CALCR: variants seen among roughly 807,000 people sequenced by gnomAD.
The protein encoded by CALCR is calcitonin receptor.
CALCR carries 47 observed loss-of-function variants against 59.5 expected under a neutral mutation model. The observed-to-expected ratio is 0.79, with a 90% CI of 0.63 to 1.01. The LOEUF (loss-of-function observed/expected upper bound fraction) is 1.01, where lower values mean the gene tolerates loss of function less well. Ranked by LOEUF, CALCR falls within the 50% of genes least tolerant of loss-of-function variation. The probability of loss-of-function intolerance (pLI) is 0.00; values close to 1 mark genes in which losing one functional copy is unlikely to be tolerated. For synonymous variants in CALCR, 213 were observed against 211.3 expected (o/e 1.01, Z -0.07); for missense variants, 566 against 597.1 (o/e 0.95, Z 0.54).
chr7:93,473,378 G>A (rs1426344593), intron 5 of CALCR, among the ~76,000 whole-genome samples: 7 of 151,724 alleles, frequency 4.6e-5, no homozygotes, highest in Non-Finnish European at 1.0e-4. Context: ...TCAAATCCGA[G>A]TCTACTTGAT....
At chr7:93,467,035 T>C (rs1269328656) in intron 7 of CALCR, among the ~76,000 whole-genome samples, 5 of 127,942 alleles carry the variant, frequency 3.9e-5, no homozygotes, top group African/African-American at 1.0e-4. Context: ...ATTTGGGGAA[T>C]TTTTCTTTCA....
chr7:93,459,352 A>T (rs1800271603), intron 8 of CALCR, among the ~76,000 whole-genome samples: 1 of 152,198 alleles, frequency 6.6e-6, no homozygotes, highest in East Asian at 1.9e-4. Context: ...CAGTTATATG[A>T]TTTGAGGCAA....
chr7:93,539,981 TC>T (rs1330015143), intron 2 of CALCR, among the ~76,000 whole-genome samples: 1 of 152,126 alleles, frequency 6.6e-6, no homozygotes, highest in Admixed American at 6.6e-5. Flanking sequence ...AGAAAGTACT[TC>T]CTGGTTTCCC....
chr7:93,498,051 C>G (rs976225227), intron 2 of CALCR, among the ~76,000 whole-genome samples: 1 of 151,596 alleles, frequency 6.6e-6, no homozygotes, highest in Admixed American at 6.6e-5. Context: ...ACGTTTTTGT[C>G]AGAATTTCTA....
Position 93,462,062 on chromosome 7 carries a change from C to T in CALCR, c.522-1115G>A, listed in dbSNP as rs773206721. 62 of 1,486,178 alleles carry T rather than the reference C, an allele frequency of 4.2e-5. 1 individual carries two copies. The East Asian group carries it at 1.4e-3, about 34-fold the overall frequency. The allele number at this position is 1,486,178 out of a possible 1,614,324, so 92.1% of individuals were successfully genotyped here. On this transcript the variant is annotated intron_variant, in intron 7 of 13. Transcript: ENST00000426151. ...TACAAAAATAGCCTGGGTTTACTTA[C>T]AATGCCTTCCTATATTTCCAATTCA... is the stretch of plus-strand genomic sequence containing the variant.
intron 2 of CALCR, among the ~76,000 whole-genome samples, chr7:93,524,833 C>A (rs1444415495): frequency 6.6e-6 from 1 of 152,090 alleles, no homozygotes; most frequent in East Asian, 1.9e-4. Context: ...ATAAAGCATG[C>A]TATAAAGTGA....
intron 2 of CALCR, among the ~76,000 whole-genome samples, chr7:93,558,848 A>G (rs1789672113): frequency 1.3e-5 from 2 of 152,122 alleles, no homozygotes; most frequent in Non-Finnish European, 2.9e-5. Context: ...CTTGACCAAC[A>G]GCAACAAAAT....
chr7:93,427,282 A>G (rs1799550309), intron 13 of CALCR, among the ~76,000 whole-genome samples: 1 of 152,208 alleles, frequency 6.6e-6, no homozygotes, highest in Admixed American at 6.5e-5. Context: ...ACCACAACTG[A>G]AAACAGTACC....
Position 93,424,683 on chromosome 7 carries a change from A to C in CALCR, c.*1673T>G, listed in dbSNP as rs930230651. On this transcript the variant is annotated 3_prime_UTR_variant, in exon 14 of 14. Transcript: ENST00000426151. ...TACTATATTAGCATAATAACATCTA[A>C]AATATTTTAGCAATATATTATCACA... The C allele has an allele frequency of 6.6e-6, 1 of 152,586 alleles. No individual in the cohort carries two copies. Among genetic ancestry groups the C allele is most frequent in the Non-Finnish European group, 1.5e-5 (1 of 67,998 alleles). 9.5% of individuals were successfully genotyped at this position (152,586 alleles called of 1,614,324 possible). A position where few individuals can be genotyped will look rare whatever the true frequency, so the allele number is the denominator to read the frequency against.
At chr7:93,549,391 T>C (rs986679693) in intron 2 of CALCR, among the ~76,000 whole-genome samples, 5 of 152,258 alleles carry the variant, frequency 3.3e-5, no homozygotes, top group Admixed American at 6.5e-5. Context: ...GGATATCTGA[T>C]AGAAAAGGGA....
chr7:93,523,528 A>G (rs913626438), intron 2 of CALCR, among the ~76,000 whole-genome samples: 3 of 152,206 alleles, frequency 2.0e-5, no homozygotes, highest in African/African-American at 4.8e-5. Context: ...GAATGAATCA[A>G]TGATTTCTTC....
chr7:93,492,000 C>A (rs745554737), intron 2 of CALCR, among the ~76,000 whole-genome samples: 24 of 151,926 alleles, frequency 1.6e-4, no homozygotes, highest in Non-Finnish European at 1.3e-4. Context: ...TGGAACCAAC[C>A]CAAATGCCCA....
chr7:93,459,225 C>A (rs1440192717), intron 8 of CALCR, among the ~76,000 whole-genome samples: 1 of 152,088 alleles, frequency 6.6e-6, no homozygotes, highest in African/African-American at 2.4e-5. Context: ...ACTAATCAAC[C>A]AGTTTGGTGT....
intron 2 of CALCR, among the ~76,000 whole-genome samples, chr7:93,509,033 T>G (rs1409238504): frequency 6.6e-6 from 1 of 152,104 alleles, no homozygotes; most frequent in Admixed American, 6.6e-5. Context: ...TAAGATGAAA[T>G]GGACACTCTT....
intron 2 of CALCR, among the ~76,000 whole-genome samples, chr7:93,487,849 G>A (rs1307121547): frequency 6.6e-6 from 1 of 151,348 alleles, no homozygotes; most frequent in East Asian, 2.0e-4. Flanking sequence ...CCTTTATCCA[G>A]GAGAACTTCC....
chr7:93,493,234 T>G (rs573630140), intron 2 of CALCR, among the ~76,000 whole-genome samples: 13 of 151,474 alleles, frequency 8.6e-5, no homozygotes, highest in African/African-American at 3.1e-4. Flanking sequence ...ATGAGTTAAA[T>G]AAAACATGGA....
intron 2 of CALCR, among the ~76,000 whole-genome samples, chr7:93,568,266 C>G (rs1179708035): frequency 6.6e-6 from 1 of 152,128 alleles, no homozygotes; most frequent in Non-Finnish European, 1.5e-5. Flanking sequence ...CTTTAGGAGA[C>G]TGCACCTTTC....
intron 4 of CALCR, among the ~76,000 whole-genome samples, chr7:93,477,930 C>A (rs1800701840): frequency 1.3e-5 from 1 of 74,216 alleles, no homozygotes; most frequent in Admixed American, 1.8e-4. Context: ...ATCAAAAAAG[C>A]AAATGCCCCA....
chr7:93,562,007 A>G (rs777132428), intron 2 of CALCR, among the ~76,000 whole-genome samples: 18 of 152,094 alleles, frequency 1.2e-4, no homozygotes, highest in South Asian at 8.3e-4. Flanking sequence ...AAATGGGTAT[A>G]ACAATAAATC....
Sources: gnomAD v4.1 joint callset for allele counts (sites outside exome capture counted in the v4.1 genomes callset) on GRCh38, gnomAD v4.1.1 for gene constraint, MANE v1.5 for transcripts, NCBI Gene and HGNC (gene_info 2026-07-23, HGNC 2026-07-21) for gene names.